CSMD2: variants seen among roughly 807,000 people sequenced by gnomAD.
The protein encoded by CSMD2 is CUB and Sushi multiple domains 2, also known as CUB and sushi domain-containing protein 2.
In CSMD2, 130 loss-of-function variants were observed where a neutral mutation model predicts 398.5. The ratio of observed to expected loss-of-function variants is 0.33; its 90% CI spans 0.28 to 0.38. The LOEUF is 0.38. CSMD2 is among the 10% of genes least tolerant of loss of function. The probability of loss-of-function intolerance (pLI) is 1.00; values close to 1 mark genes in which losing one functional copy is unlikely to be tolerated. For synonymous variants in CSMD2, 1,828 were observed against 1,908.5 expected (o/e 0.96, Z 1.10); for missense variants, 3,829 against 4,764.9 (o/e 0.80, Z 5.78).
chr1:33,576,102 C>A (rs968043545), intron 49 of CSMD2, among the ~76,000 whole-genome samples: 1 of 152,092 alleles, frequency 6.6e-6, no homozygotes, highest in South Asian at 2.1e-4. Context: ...CAATCGCATA[C>A]GTTATGATGC....
At chr1:33,971,660 T>G (rs1388416351) in intron 3 of CSMD2, among the ~76,000 whole-genome samples, 1 of 152,216 alleles carries the variant, frequency 6.6e-6, no homozygotes, top group African/African-American at 2.4e-5. Context: ...TTCTTTGCCT[T>G]CTCTGCAAGC....
At chr1:33,791,711 C>A (rs890105597) in intron 11 of CSMD2, among the ~76,000 whole-genome samples, 6 of 152,180 alleles carry the variant, frequency 3.9e-5, no homozygotes, top group African/African-American at 1.4e-4. Flanking sequence ...TGGTTTTGAC[C>A]TCCTGAGCTC....
At chr1:33,682,958 A>T (rs1265413961) in intron 25 of CSMD2, among the ~76,000 whole-genome samples, 1 of 152,062 alleles carries the variant, frequency 6.6e-6, no homozygotes, top group Non-Finnish European at 1.5e-5. Flanking sequence ...CCTTTTCCCC[A>T]GGGGAGGTGA....
intron 25 of CSMD2, among the ~76,000 whole-genome samples, chr1:33,667,904 G>T (rs1035309770): frequency 6.6e-6 from 1 of 152,194 alleles, no homozygotes; most frequent in Non-Finnish European, 1.5e-5. Flanking sequence ...GACAGACAGG[G>T]TGCCATTCTC....
Position 33,520,020 on chromosome 1 carries a change from G to A in CSMD2, c.10598-70C>T, listed in dbSNP as rs185102883. The stretch of plus-strand genomic sequence containing the variant: ...TGAGGCTCCGTTGGCTACCCTCCCC[G>A]ACTATACACTCTTGGGAAGCAGGGC... On this transcript the variant is annotated intron_variant, in intron 68 of 70. Transcript: ENST00000373381. 2.9e-4 allele frequency: 455 copies of A among 1,559,142 alleles called. 4 individuals carry two copies. In the African/African-American group the frequency reaches 5.4e-3, roughly 18 times the overall value.
chr1:33,678,832 C>T (rs1644807444), intron 25 of CSMD2, among the ~76,000 whole-genome samples: 1 of 152,156 alleles, frequency 6.6e-6, no homozygotes, highest in African/African-American at 2.4e-5. Flanking sequence ...TCTTCAGGGA[C>T]CAGCTGGCAT....
intron 2 of CSMD2, among the ~76,000 whole-genome samples, chr1:34,038,693 C>G: frequency 6.6e-6 from 1 of 151,984 alleles, no homozygotes; most frequent in South Asian, 2.1e-4. Flanking sequence ...CTGGCTCCAG[C>G]CCCCCAGTCT....
At chr1:34,063,325 T>G (rs936219395) in intron 2 of CSMD2, among the ~76,000 whole-genome samples, 3 of 152,220 alleles carry the variant, frequency 2.0e-5, no homozygotes, top group Non-Finnish European at 4.4e-5. Flanking sequence ...CAAAGTCTCA[T>G]CTGAGACAAG....
chr1:33,877,638 G>A (rs1297461635), intron 5 of CSMD2, among the ~76,000 whole-genome samples: 1 of 152,150 alleles, frequency 6.6e-6, no homozygotes, highest in Admixed American at 6.5e-5. Context: ...ATACTGTAGT[G>A]GTAAAGGCAC....
At chr1:34,067,025 C>T (rs951782390) in intron 2 of CSMD2, among the ~76,000 whole-genome samples, 1 of 152,140 alleles carries the variant, frequency 6.6e-6, no homozygotes, top group Non-Finnish European at 1.5e-5. Context: ...TGTGGTGCCT[C>T]CCTCAGCCTG....
At chr1:33,895,895 C>G (rs1243402726) in intron 5 of CSMD2, among the ~76,000 whole-genome samples, 1 of 152,116 alleles carries the variant, frequency 6.6e-6, no homozygotes, top group African/African-American at 2.4e-5. Flanking sequence ...CCTGAGCAAC[C>G]AACTCCCCTC....
chr1:33,635,085 T>C lies in CSMD2; in HGVS notation c.5086+129A>G. On this transcript the variant is annotated intron_variant, in intron 31 of 70. Coordinates refer to ENST00000373381, the MANE Select transcript of CSMD2 (RefSeq NM_001281956.2). The surrounding 1 kb of genome is among the most constrained non-coding windows in gnomAD (Gnocchi z 5.0). ...GAAACGTCAGCACTCGGCCGTCCTT[T>C]TGGGGAGACTGTTCTGCGATTCCCA... The C allele has an allele frequency of 1.6e-6, 1 of 634,704 alleles. No individual in the cohort carries two copies. Among genetic ancestry groups the C allele is most frequent in the Non-Finnish European group, 2.9e-6 (1 of 346,162 alleles). 39.3% of individuals were successfully genotyped at this position (634,704 alleles called of 1,614,324 possible). A position where few individuals can be genotyped will look rare whatever the true frequency, so the allele number is the denominator to read the frequency against.
At chr1:33,678,803 G>A (rs1644806643) in intron 25 of CSMD2, among the ~76,000 whole-genome samples, 1 of 152,160 alleles carries the variant, frequency 6.6e-6, no homozygotes, top group Non-Finnish European at 1.5e-5. Flanking sequence ...GGTGTCTATA[G>A]CAAAATAAAA....
chr1:34,028,092 G>C (rs556373762), intron 3 of CSMD2, among the ~76,000 whole-genome samples: 1 of 152,266 alleles, frequency 6.6e-6, no homozygotes. Flanking sequence ...GTCGAGGCAG[G>C]CAGATCGCTC....
intron 3 of CSMD2, among the ~76,000 whole-genome samples, chr1:33,975,733 T>C (rs918371822): frequency 5.9e-5 from 9 of 152,084 alleles, no homozygotes; most frequent in Non-Finnish European, 1.2e-4. Flanking sequence ...TGCAGCCTGG[T>C]TGGACTCCAC....
At chr1:34,033,832 C>A (rs527930720) in intron 2 of CSMD2, among the ~76,000 whole-genome samples, 30 of 152,090 alleles carry the variant, frequency 2.0e-4, no homozygotes, top group Non-Finnish European at 3.5e-4. Flanking sequence ...ATGAGTTAAA[C>A]CAGATATTTG....
rs1171377185 is a variant in CSMD2 at position 34,144,513 on chromosome 1, C to T, written c.187+20398G>A. ...TTAACTTACCCAGCAAGCCTTGCTC[C>T]TGTGAGGGAAGCCTGAGGCTGTTTC... is the stretch of plus-strand genomic sequence containing the variant. On this transcript the variant is annotated intron_variant, in intron 1 of 70. Coordinates refer to ENST00000373381, the MANE Select transcript of CSMD2 (RefSeq NM_001281956.2). 2.6e-5 allele frequency among the ~76,000 whole-genome samples: 4 copies of T among 152,202 alleles called. No homozygotes were observed. The East Asian group carries it at 7.7e-4, about 29-fold the overall frequency.
intron 25 of CSMD2, among the ~76,000 whole-genome samples, chr1:33,692,338 T>C (rs1645267941): frequency 6.6e-6 from 1 of 152,104 alleles, no homozygotes; most frequent in East Asian, 1.9e-4. Flanking sequence ...ATTTACTTCC[T>C]CCACAACTCT....
At position 33,571,620 on chromosome 1, in the gene CSMD2, G is replaced by A. The variant is rs748587307; in HGVS notation, c.7869C>T (p.Asp2623=). 1.9e-6 allele frequency: 3 copies of A among 1,591,230 alleles called. 1 individual carries two copies. The highest frequency in any genetic ancestry group is 2.3e-5 in the South Asian group (2 of 86,520). ...QFQAQLMLIC[D]PGYYYTGQRV... is the part of the protein sequence containing the mutation. ...TTTGGCCAGTATAGTAGTAGCCAGG[G>A]TCACAGATGAGCATCAGCTGGGCCT... Residue 2623 remains aspartate, a synonymous_variant, in exon 51 of 71, where the codon GAC becomes GAT. Coordinates refer to ENST00000373381, the MANE Select transcript of CSMD2 (RefSeq NM_001281956.2).
Sources: allele counts gnomAD v4.1 joint callset (sites outside exome capture counted in the v4.1 genomes callset), GRCh38; gene constraint gnomAD v4.1.1; non-coding constraint Gnocchi (gnomAD v3.1); transcripts MANE v1.5; gene names NCBI Gene and HGNC (gene_info 2026-07-23, HGNC 2026-07-21).